Variants in WWOX observed in about 807,000 individuals in gnomAD.
WWOX encodes WW domain containing oxidoreductase, also known as WW domain-containing oxidoreductase.
In WWOX, 69 loss-of-function variants were observed where a neutral mutation model predicts 46.2. The ratio of observed to expected loss-of-function variants is 1.49; its 90% CI spans 1.23 to 1.82. The LOEUF is 1.82. Among genes scored for constraint, WWOX ranks in the 40% most tolerant of loss-of-function variants. The pLI is 0.00. For synonymous variants in WWOX, 359 were observed against 202.6 expected, an observed-to-expected ratio of 1.77 and a Z score of -6.56; for missense variants, 919 against 542.6, an observed-to-expected ratio of 1.69 and a Z score of -6.89.
At chr16:78,850,579 G>A (rs963991288) in intron 8 of WWOX, among the ~76,000 whole-genome samples, 2 of 152,102 alleles carry the variant, frequency 1.3e-5, no homozygotes, top group Non-Finnish European at 2.9e-5. Context: ...CTCCCCCATT[G>A]TTTACGATTC....
intron 8 of WWOX, among the ~76,000 whole-genome samples, chr16:78,855,496 A>G (rs1388021370): frequency 6.6e-6 from 1 of 152,196 alleles, no homozygotes; most frequent in Non-Finnish European, 1.5e-5. Flanking sequence ...CTTTGGCGAA[A>G]CTGGCTGAAT....
At chr16:78,692,079 G>C (rs533281757) in intron 8 of WWOX, among the ~76,000 whole-genome samples, 1 of 152,268 alleles carries the variant, frequency 6.6e-6, no homozygotes, top group East Asian at 1.9e-4. Context: ...ATGTGGAACT[G>C]TAAGTCCAGT....
At position 78,679,576 on chromosome 16, in the gene WWOX, T is replaced by A. The variant is rs1325841209; in HGVS notation, c.1056+246824T>A. On this transcript the variant is annotated intron_variant, in intron 8 of 8. Coordinates refer to ENST00000566780, the MANE Select transcript of WWOX (RefSeq NM_016373.4). ...AAAACATAAGTAAATAAATAAAAAA[T>A]AAATATAATACAGACACAGGCTTTT... is the stretch of plus-strand genomic sequence containing the variant. Among the ~76,000 whole-genome samples, 5 of 152,060 alleles carry A rather than the reference T, an allele frequency of 3.3e-5. No homozygotes were observed. The East Asian group carries it at 9.7e-4, about 29-fold the overall frequency.
At chr16:78,741,808 C>G (rs1262803101) in intron 8 of WWOX, among the ~76,000 whole-genome samples, 1 of 151,902 alleles carries the variant, frequency 6.6e-6, no homozygotes, top group African/African-American at 2.4e-5. Context: ...TGAGTTGAGA[C>G]TGTGCCACTA....
chr16:78,839,867 C>G (rs934644328), intron 8 of WWOX, among the ~76,000 whole-genome samples: 1 of 152,118 alleles, frequency 6.6e-6, no homozygotes, highest in Non-Finnish European at 1.5e-5. Context: ...TTCCAGTGAC[C>G]TCCCAACCCC....
chr16:78,768,515 G>A (rs1369955468), intron 8 of WWOX, among the ~76,000 whole-genome samples: 3 of 151,778 alleles, frequency 2.0e-5, no homozygotes, highest in African/African-American at 4.8e-5. Flanking sequence ...ACTTGAACTT[G>A]GGAGGCAAAG....
At chr16:78,635,601 A>G (rs2046548206) in intron 8 of WWOX, among the ~76,000 whole-genome samples, 2 of 152,080 alleles carry the variant, frequency 1.3e-5, no homozygotes, top group Admixed American at 1.3e-4. Flanking sequence ...GATGTTGGTT[A>G]TTTCTTTATT....
chr16:79,207,312 C>T (rs903124341), intron 8 of WWOX, among the ~76,000 whole-genome samples: 6 of 152,238 alleles, frequency 3.9e-5, no homozygotes, highest in Non-Finnish European at 8.8e-5. Flanking sequence ...TGGAAGTAGG[C>T]AGGGTTTGAA....
chr16:78,457,711 C>T (rs1029248397), intron 8 of WWOX, among the ~76,000 whole-genome samples: 6 of 151,882 alleles, frequency 4.0e-5, no homozygotes, highest in African/African-American at 9.7e-5. Context: ...GTCAGGAGTT[C>T]GAGACCAGCT....
chr16:78,445,033 T>G (rs1266267458), intron 8 of WWOX, among the ~76,000 whole-genome samples: 1 of 151,772 alleles, frequency 6.6e-6, no homozygotes, highest in Admixed American at 6.6e-5. Context: ...CACTAAAACT[T>G]GTTGCTGCAT....
At chr16:78,917,036 G>A (rs1421782354) in intron 8 of WWOX, among the ~76,000 whole-genome samples, 2 of 152,102 alleles carry the variant, frequency 1.3e-5, no homozygotes, top group Non-Finnish European at 2.9e-5. Flanking sequence ...TGGGTCTTAT[G>A]ACAAATGTTG....
chr16:78,237,846 G>A (rs1191317326), intron 5 of WWOX, among the ~76,000 whole-genome samples: 6 of 152,150 alleles, frequency 3.9e-5, no homozygotes, highest in Non-Finnish European at 8.8e-5. Flanking sequence ...CCTCGGTTTT[G>A]CCTCTTGGCT....
At chr16:79,027,618 C>A (rs889412836) in intron 8 of WWOX, among the ~76,000 whole-genome samples, 42 of 151,990 alleles carry the variant, frequency 2.8e-4, no homozygotes, top group Middle Eastern at 3.4e-3. Context: ...AAATCTCTTC[C>A]TTTCCTATCG....
At chr16:78,231,054 A>G (rs2037246605) in intron 5 of WWOX, among the ~76,000 whole-genome samples, 2 of 152,230 alleles carry the variant, frequency 1.3e-5, no homozygotes, top group African/African-American at 4.8e-5. Flanking sequence ...GAGAGCAGGA[A>G]GACTGGGACG....
chr16:78,586,586 C>G (rs2045214655), intron 8 of WWOX, among the ~76,000 whole-genome samples: 1 of 152,158 alleles, frequency 6.6e-6, no homozygotes, highest in Non-Finnish European at 1.5e-5. Flanking sequence ...AAAATGGTGA[C>G]TCAGATTAAG....
intron 8 of WWOX, among the ~76,000 whole-genome samples, chr16:79,103,952 G>A (rs2049254020): frequency 1.4e-5 from 2 of 147,520 alleles, no homozygotes; most frequent in Non-Finnish European, 3.0e-5. Flanking sequence ...CAAGAGAGAA[G>A]TCTAGGAATG....
intron 8 of WWOX, among the ~76,000 whole-genome samples, chr16:78,635,280 A>G (rs2046540733): frequency 6.6e-6 from 1 of 152,162 alleles, no homozygotes; most frequent in Non-Finnish European, 1.5e-5. Context: ...TGTTGGACAG[A>G]TGCCTGGTTG....
chr16:78,560,736 G>A (rs1399153092), intron 8 of WWOX, among the ~76,000 whole-genome samples: 3 of 152,146 alleles, frequency 2.0e-5, no homozygotes, highest in Admixed American at 2.0e-4. Flanking sequence ...AAAAAAAGCA[G>A]CTATGGTGAT....
At chr16:79,064,322 C>T (rs7193437) in intron 8 of WWOX, among the ~76,000 whole-genome samples, 11,288 of 152,236 alleles carry the variant, frequency 0.074, 587 homozygotes, top group African/African-American at 0.13. Flanking sequence ...TAGGGCATAG[C>T]TTGTGGAATT....
Sources: allele counts gnomAD v4.1 joint callset (sites outside exome capture counted in the v4.1 genomes callset), GRCh38; gene constraint gnomAD v4.1.1; transcripts MANE v1.5; gene names NCBI Gene and HGNC (gene_info 2026-07-23, HGNC 2026-07-21).